Variants in SLC46A2 observed in about 807,000 individuals in gnomAD.
The protein encoded by SLC46A2 is solute carrier family 46 member 2.
SLC46A2 carries 25 observed loss-of-function variants against 33.1 expected under a neutral mutation model. The ratio of observed to expected loss-of-function variants is 0.76; its 90% CI spans 0.55 to 1.06. SLC46A2 has a LOEUF of 1.06. SLC46A2 is among the 50% of genes least tolerant of loss of function. The pLI is 0.00. For synonymous variants in SLC46A2, 254 were observed against 275.9 expected, an observed-to-expected ratio of 0.92 and a Z score of 0.79; for missense variants, 622 against 621.7, an observed-to-expected ratio of 1.00 and a Z score of 0.00.
intron 3 of SLC46A2, chr9:112,885,625 T>G (rs1271650426): frequency 6.6e-6 from 1 of 152,138 alleles, no homozygotes; most frequent in Non-Finnish European, 1.5e-5. Flanking sequence ...CTAGATGTAC[T>G]GTAAGTGTAA....
chr9:112,890,055 C>T lies in SLC46A2; in HGVS notation c.627G>A (p.Thr209=), dbSNP rs1192333353. ...ACGAGGCACAGCTCACGCTGCAGGC[C>T]GTCAGTATCAGGCCCTGCCCAGAGT... ...AGHSGQGLIL[T]ACSVSCASFA... Residue 209 remains threonine, a synonymous_variant, in exon 1 of 4, where the codon ACG becomes ACA. Transcript: ENST00000374228. The surrounding 1 kb of genome is among the most constrained non-coding windows in gnomAD (Gnocchi z 6.0). 1.2e-6 allele frequency: 2 copies of T among 1,613,856 alleles called. No individual in the cohort carries two copies. Among genetic ancestry groups the T allele is most frequent in the East Asian group, 4.5e-5 (2 of 44,868 alleles).
At chr9:112,883,956 A>T (rs1841614462) in intron 3 of SLC46A2, among the ~76,000 whole-genome samples, 2 of 152,138 alleles carry the variant, frequency 1.3e-5, no homozygotes, top group Admixed American at 1.3e-4. Context: ...TGGCCTCCCA[A>T]AGTGCTGGGA....
At chr9:112,880,657 T>G (rs944942655) in intron 3 of SLC46A2, among the ~76,000 whole-genome samples, 2 of 152,198 alleles carry the variant, frequency 1.3e-5, no homozygotes, top group Non-Finnish European at 2.9e-5. Flanking sequence ...TTAAACACTT[T>G]TTTCTGCTGC....
Position 112,879,633 on chromosome 9 carries a change from G to T in SLC46A2, c.*129C>A. Reference sequence around the variant, plus strand: ...CTGAGCCAGAGCAGGTCATTCTGAGGCCAACTCTGGCTGGAACGCAGGTTT... The same window carrying T: ...CTGAGCCAGAGCAGGTCATTCTGAGTCCAACTCTGGCTGGAACGCAGGTTT... On this transcript the variant is annotated 3_prime_UTR_variant, in exon 4 of 4. Coordinates refer to ENST00000374228, the MANE Select transcript of SLC46A2 (RefSeq NM_033051.4). 2 of 793,938 alleles carry T rather than the reference G, an allele frequency of 2.5e-6. No individual in the cohort carries two copies. Among genetic ancestry groups the T allele is most frequent in the Non-Finnish European group, 4.1e-6 (2 of 487,884 alleles). The allele number at this position is 793,938 out of a possible 1,614,324, so 49.2% of individuals were successfully genotyped here.
At chr9:112,886,237 A>G (rs1841640880) in intron 3 of SLC46A2, among the ~76,000 whole-genome samples, 1 of 152,228 alleles carries the variant, frequency 6.6e-6, no homozygotes, top group Non-Finnish European at 1.5e-5. Context: ...CCAGTGCCTA[A>G]TGACCCTGTT....
At chr9:112,888,846 G>T (rs944571418) in intron 1 of SLC46A2, among the ~76,000 whole-genome samples, 7 of 148,966 alleles carry the variant, frequency 4.7e-5, no homozygotes, top group Non-Finnish European at 1.0e-4. Flanking sequence ...CTTTTCAGTA[G>T]AATTACTTGA....
rs1841699458 is a variant in SLC46A2, at chr9:112,889,660, A to G, written c.1022T>C (p.Phe341Ser). Residue 341 changes from phenylalanine to serine, a missense_variant, in exon 1 of 4, where the codon TTC (phenylalanine) becomes TCC (serine). Phe to Ser is a radical substitution (Grantham distance 155). Coordinates refer to ENST00000374228, the MANE Select transcript of SLC46A2 (RefSeq NM_033051.4). ...FITSFLGVLV[F>S]SRCFRDTTMI... ...GGTGGTGTCCCGAAAGCAGCGGGAG[A>G]AGACCAGGACACCCAGGAAGCTGGT... is the stretch of plus-strand genomic sequence containing the variant. 1.9e-6 allele frequency: 3 copies of G among 1,614,116 alleles called. No individual in the cohort carries two copies. Among genetic ancestry groups the G allele is most frequent in the Non-Finnish European group, 2.5e-6 (3 of 1,180,014 alleles).
At chr9:112,880,977 C>T (rs925016399) in intron 3 of SLC46A2, among the ~76,000 whole-genome samples, 2 of 152,188 alleles carry the variant, frequency 1.3e-5, no homozygotes, top group East Asian at 1.9e-4. Context: ...TTCCATCTCA[C>T]TTCTGCCTGA....
chr9:112,881,119 G>T (rs1350807937), intron 3 of SLC46A2, among the ~76,000 whole-genome samples: 1 of 152,206 alleles, frequency 6.6e-6, no homozygotes, highest in Non-Finnish European at 1.5e-5. Context: ...CTTAATAAAT[G>T]GATGCGCAGC....
chr9:112,887,052 C>T (rs1048153497), intron 2 of SLC46A2, among the ~76,000 whole-genome samples: 1 of 152,028 alleles, frequency 6.6e-6, no homozygotes, highest in African/African-American at 2.4e-5. Context: ...TTGTGTGGCT[C>T]AATTCACTAG....
At chr9:112,887,500 A>ATC in intron 1 of SLC46A2, 87 bp from the exon 2 acceptor site, 1 of 1,183,566 alleles carries the variant, frequency 8.4e-7, no homozygotes, top group Non-Finnish European at 1.2e-6. Context: ...TAGAACCCCC[A>ATC]TCTCCCCACA....
At chr9:112,888,286 A>G (rs1841671768) in intron 1 of SLC46A2, among the ~76,000 whole-genome samples, 1 of 151,762 alleles carries the variant, frequency 6.6e-6, no homozygotes, top group Admixed American at 6.6e-5. Flanking sequence ...TCAAAAACAA[A>G]ACAAAACAAA....
chr9:112,888,888 T>G lies in SLC46A2; in HGVS notation c.1129+665A>C, dbSNP rs1474813226. On this transcript the variant is annotated intron_variant, in intron 1 of 3. Transcript: ENST00000374228. ...ACTCCTCCACGTTTTTTTTTTTTTGTTTGTTTGTTTTTTTTTTTTTGAGAC... is the reference window on the plus strand; with the variant it reads ...ACTCCTCCACGTTTTTTTTTTTTTGGTTGTTTGTTTTTTTTTTTTTGAGAC... 4.7e-4 allele frequency among the ~76,000 whole-genome samples: 63 copies of G among 134,470 alleles called. No homozygotes were observed. The East Asian group carries it at 6.6e-3, about 14-fold the overall frequency. 88.2% of individuals were successfully genotyped at this position (134,470 alleles called of 152,430 possible). A position where few individuals can be genotyped will look rare whatever the true frequency, so the allele number is the denominator to read the frequency against.
chr9:112,889,885 G>C lies in SLC46A2; in HGVS notation c.797C>G (p.Ala266Gly). 1.2e-6 allele frequency: 2 copies of C among 1,614,244 alleles called. No homozygotes were observed. Residue 266 changes from alanine (A) to glycine (G), a missense_variant, in exon 1 of 4, where the codon GCA becomes GGA. Coordinates refer to ENST00000374228, the MANE Select transcript of SLC46A2 (RefSeq NM_033051.4). ...LDPDQLDQQYAVGHPPSPGKA... is the reference protein window; with the variant it reads ...LDPDQLDQQYGVGHPPSPGKA... ...TCCAGGAGATGGAGGGTGCCCCACTGCATACTGTTGGTCCAACTGATCAGG... is the reference window on the plus strand; with the variant it reads ...TCCAGGAGATGGAGGGTGCCCCACTCCATACTGTTGGTCCAACTGATCAGG...
At chr9:112,885,289 A>C (rs1463428390) in intron 3 of SLC46A2, 1 of 152,102 alleles carries the variant, frequency 6.6e-6, no homozygotes, top group Non-Finnish European at 1.5e-5. Flanking sequence ...CCCTTGAACA[A>C]GCCTTCCTTT....
In SLC46A2 at chr9:112,889,923, G is replaced by T. The variant is rs7022287; in HGVS notation, c.759C>A (p.Tyr253Ter). The T allele has an allele frequency of 5.1e-5, 82 of 1,614,262 alleles. No individual in the cohort carries two copies. The highest frequency in any genetic ancestry group is 4.9e-4 in the Middle Eastern group (3 of 6,062). The stretch of plus-strand genomic sequence containing the variant: ...CCAACTGATCAGGATCCAGAGTGCG[G>T]TATGTGCCAACCGTGCCAGACACGG... ...VDTVSGTVGTYRTLDPDQLDQ... is the reference protein window; with the variant it reads ...VDTVSGTVGT Residue 253 changes from tyrosine (Y) to a stop codon, truncating the protein, a stop_gained, in exon 1 of 4, where the codon TAC (tyrosine) becomes TAA (stop). Transcript: ENST00000374228. LOFTEE classifies it high-confidence loss of function.
At chr9:112,887,897 T>A (rs1461403307) in intron 1 of SLC46A2, among the ~76,000 whole-genome samples, 2 of 150,782 alleles carry the variant, frequency 1.3e-5, no homozygotes, top group Non-Finnish European at 2.9e-5. Context: ...CAAGCTCTAT[T>A]GATTATCCAG....
In SLC46A2 at chr9:112,890,853, A is replaced by T. The variant is rs957030864; in HGVS notation, c.-172T>A. Reference sequence around the variant, plus strand: ...GGGAGCGCGCCGGCCAGTGGCGAGCAGAGCCAGGGCACGCAGCGCCTGTGA... The same window carrying T: ...GGGAGCGCGCCGGCCAGTGGCGAGCTGAGCCAGGGCACGCAGCGCCTGTGA... On this transcript the variant is annotated 5_prime_UTR_variant, in exon 1 of 4. Transcript: ENST00000374228. This position sits in a 1 kb window ranked among gnomAD's most constrained non-coding sequence, Gnocchi z 6.0. 1.3e-6 allele frequency: 1 copy of T among 790,502 alleles called. No homozygotes were observed. The highest frequency in any genetic ancestry group is 3.1e-5 in the Admixed American group (1 of 32,532). The allele number at this position is 790,502 out of a possible 1,614,324, so 49.0% of individuals were successfully genotyped here.
At chr9:112,887,190 G>T in intron 2 of SLC46A2, 140 bp downstream of exon 2, 1 of 724,284 alleles carries the variant, frequency 1.4e-6, no homozygotes, top group Non-Finnish European at 2.3e-6. Flanking sequence ...CTGTGCCCTG[G>T]ATGGAAACCA....
Sources: allele counts gnomAD v4.1 joint callset (sites outside exome capture counted in the v4.1 genomes callset), GRCh38; gene constraint gnomAD v4.1.1; non-coding constraint Gnocchi (gnomAD v3.1); transcripts MANE v1.5; gene names NCBI Gene and HGNC (gene_info 2026-07-23, HGNC 2026-07-21).